Variants in CFTR observed in about 807,000 individuals in gnomAD.
The protein encoded by CFTR is CF transmembrane conductance regulator.
CFTR carries 181 observed loss-of-function variants against 171.6 expected under a neutral mutation model. That is an observed-to-expected ratio of 1.05 (90% CI 0.93 to 1.19). The LOEUF is 1.19. CFTR is among the 50% of genes most tolerant of loss of function. The pLI is 0.00. For missense variants in CFTR, 1,968 were observed against 1,734.7 expected (o/e 1.13, Z -2.39); for synonymous variants, 583 against 608.0 (o/e 0.96, Z 0.60).
intron 11 of CFTR, among the ~76,000 whole-genome samples, chr7:117,581,028 C>G (rs1791842341): frequency 6.6e-6 from 1 of 152,092 alleles, no homozygotes; most frequent in East Asian, 1.9e-4. Flanking sequence ...TATATCCTCC[C>G]TCAATTCGTT....
intron 3 of CFTR, among the ~76,000 whole-genome samples, chr7:117,518,978 G>T (rs985040369): frequency 6.6e-6 from 1 of 151,948 alleles, no homozygotes; most frequent in Admixed American, 6.6e-5. Flanking sequence ...TATTATTGCT[G>T]CTATTTCAGC....
At chr7:117,491,582 C>G (rs547532945) in intron 1 of CFTR, among the ~76,000 whole-genome samples, 3 of 151,998 alleles carry the variant, frequency 2.0e-5, no homozygotes, top group Non-Finnish European at 4.4e-5. Context: ...TGCTAGAAAT[C>G]CTTGGCATTC....
chr7:117,660,242 G>T (rs1314190263), intron 24 of CFTR, among the ~76,000 whole-genome samples: 1 of 152,036 alleles, frequency 6.6e-6, no homozygotes, highest in Non-Finnish European at 1.5e-5. Flanking sequence ...TTAGATTCTA[G>T]TAATTTTGAA....
intron 1 of CFTR, among the ~76,000 whole-genome samples, chr7:117,481,012 A>G (rs1797993438): frequency 6.6e-6 from 1 of 152,212 alleles, no homozygotes; most frequent in South Asian, 2.1e-4. Context: ...CTCTCTTGGG[A>G]CATTACTTGA....
intron 1 of CFTR, among the ~76,000 whole-genome samples, chr7:117,498,280 C>G (rs377631497): frequency 6.6e-6 from 1 of 152,088 alleles, no homozygotes; most frequent in East Asian, 1.9e-4. Flanking sequence ...GCCTCATGAA[C>G]AATTAACTCA....
rs1805171 is a variant in CFTR at position 117,536,514 on chromosome 7, AGATTGATTGATT to A, written c.744-17_744-6del. On this transcript the variant is annotated intron_variant, in intron 6 of 26. Coordinates refer to ENST00000003084, the MANE Select transcript of CFTR (RefSeq NM_000492.4). ...GATAATTTGACTTGTTTTTACTATTAGATTGATTGATTGATTGATTGATTGATTTACAGAGAT... is the reference window on the plus strand; with the variant it reads ...GATAATTTGACTTGTTTTTACTATTAGATTGATTGATTGATTTACAGAGAT... The A allele has an allele frequency of 1.0e-5, 16 of 1,541,396 alleles. No homozygotes were observed. In the East Asian group the frequency reaches 2.1e-4, roughly 21 times the overall value.
At chr7:117,617,947 G>T (rs1792518722) in intron 21 of CFTR, among the ~76,000 whole-genome samples, 1 of 151,518 alleles carries the variant, frequency 6.6e-6, no homozygotes, top group Non-Finnish European at 1.5e-5. Flanking sequence ...ATTTCCATCA[G>T]CCCCATAACT....
chr7:117,569,762 T>C (rs1428324304), intron 11 of CFTR, among the ~76,000 whole-genome samples: 2 of 152,086 alleles, frequency 1.3e-5, no homozygotes, highest in African/African-American at 4.8e-5. Context: ...AGGTAATGTG[T>C]GTGGATGCAA....
chr7:117,626,954 T>A (rs1792660318), intron 21 of CFTR, among the ~76,000 whole-genome samples: 1 of 152,118 alleles, frequency 6.6e-6, no homozygotes. Flanking sequence ...TAAAAATGAA[T>A]ATTTAAGTAA....
chr7:117,542,177 A>G (rs2115883037), intron 9 of CFTR, 69 bp downstream of exon 9: 1 of 788,390 alleles, frequency 1.3e-6, no homozygotes, highest in East Asian at 2.5e-5. Context: ...TATGGATTTC[A>G]TCCTAATGGC....
chr7:117,502,591 G>A (rs1184698041), intron 1 of CFTR, among the ~76,000 whole-genome samples: 1 of 152,052 alleles, frequency 6.6e-6, no homozygotes, highest in Non-Finnish European at 1.5e-5. Flanking sequence ...TGTTCTTTAT[G>A]TTAGATACTG....
intron 1 of CFTR, among the ~76,000 whole-genome samples, chr7:117,488,856 A>G (rs1391845631): frequency 6.6e-6 from 1 of 152,084 alleles, no homozygotes; most frequent in Non-Finnish European, 1.5e-5. Context: ...GATGCCTTTT[A>G]TAATTGATGT....
At chr7:117,595,133 A>G in intron 15 of CFTR, 75 bp downstream of exon 15, 2 of 1,173,880 alleles carry the variant, frequency 1.7e-6, no homozygotes, top group Non-Finnish European at 2.5e-6. Context: ...ATACATATAT[A>G]TGCACACACA....
At chr7:117,563,986 A>G (rs749956045) in intron 11 of CFTR, among the ~76,000 whole-genome samples, 2 of 152,242 alleles carry the variant, frequency 1.3e-5, no homozygotes, top group African/African-American at 4.8e-5. Flanking sequence ...AATGAATACA[A>G]TAAGTAACTT....
chr7:117,588,765 GA>G (rs1791985344), intron 12 of CFTR, among the ~76,000 whole-genome samples: 1 of 152,118 alleles, frequency 6.6e-6, no homozygotes, highest in South Asian at 2.1e-4. Context: ...TAAGATAATT[GA>G]GGCTGTTAGA....
chr7:117,624,564 A>C (rs1237541717), intron 21 of CFTR, among the ~76,000 whole-genome samples: 1 of 152,144 alleles, frequency 6.6e-6, no homozygotes, highest in Non-Finnish European at 1.5e-5. Flanking sequence ...CTTGGAATTG[A>C]GGCACGGGCC....
Position 117,592,649 on chromosome 7 carries a change from G to A in CFTR, c.2482G>A (p.Asp828Asn), listed in dbSNP as rs759726447. Reference protein sequence around the residue: ...LEISEEINEEDLKECFFDDME... With the variant: ...LEISEEINEENLKECFFDDME... ...AATAAGTGAAGAAATTAACGAAGAA[G>A]ACTTAAAGGTAGGTATACATCGCTT... Residue 828 changes from aspartate to asparagine, a missense_variant, in exon 14 of 27, where the codon GAC becomes AAC. Physicochemically the swap from Asp to Asn is conservative, Grantham distance 23 (BLOSUM62 1). Coordinates refer to ENST00000003084, the MANE Select transcript of CFTR (RefSeq NM_000492.4). The A allele has an allele frequency of 1.9e-6, 3 of 1,541,516 alleles. No homozygotes were observed. The highest frequency in any genetic ancestry group is 2.3e-5 in the East Asian group (1 of 44,302).
chr7:117,557,301 A>G (rs76305012), intron 10 of CFTR, among the ~76,000 whole-genome samples: 1,524 of 152,238 alleles, frequency 0.01, 15 homozygotes, highest in Non-Finnish European at 0.013. Context: ...ATTTTTGTGT[A>G]TCCAGTAAAT....
intron 11 of CFTR, among the ~76,000 whole-genome samples, chr7:117,570,762 A>G (rs188046472): frequency 2.0e-4 from 31 of 152,358 alleles, no homozygotes; most frequent in African/African-American, 7.5e-4. Flanking sequence ...TAGTTAATTT[A>G]ATTATGGTGT....
Sources: gnomAD v4.1 joint callset for allele counts (sites outside exome capture counted in the v4.1 genomes callset) on GRCh38, gnomAD v4.1.1 for gene constraint, MANE v1.5 for transcripts, NCBI Gene and HGNC (gene_info 2026-07-23, HGNC 2026-07-21) for gene names.